DOP1B: variants seen among roughly 807,000 people sequenced by gnomAD.
The protein encoded by DOP1B is protein DOP1B.
Under a neutral mutation model 233.5 loss-of-function variants are expected in DOP1B, and 174 were observed. That is an observed-to-expected ratio of 0.75 (90% CI 0.66 to 0.85). DOP1B has a LOEUF of 0.85. Ranked by LOEUF, DOP1B falls within the 40% of genes least tolerant of loss-of-function variation. The pLI, the probability that DOP1B is intolerant of heterozygous loss-of-function variation, is 0.00. For synonymous variants in DOP1B, 1,190 were observed against 1,185.6 expected (o/e 1.00, Z -0.08); for missense variants, 2,652 against 2,846.6 (o/e 0.93, Z 1.56).
Position 36,245,545 on chromosome 21 carries a change from T to A in DOP1B, c.3565T>A (p.Ser1189Thr). The A allele has an allele frequency of 6.2e-7, 1 of 1,613,536 alleles. No individual in the cohort carries two copies. Among genetic ancestry groups the A allele is most frequent in the Non-Finnish European group, 8.5e-7 (1 of 1,180,000 alleles). The change falls in exon 19 of 37, where the codon TCT (serine) becomes ACT (threonine). Residue 1189 changes from serine to threonine, a missense_variant. This residue lies in a region of DOP1B where 2,617 missense variants were observed against 2,794.3 expected (regional missense o/e 0.94). Coordinates refer to ENST00000691173, the MANE Select transcript of DOP1B (RefSeq NM_001320714.2). The surrounding 1 kb of genome is among the most constrained non-coding windows in gnomAD (Gnocchi z 5.5). ...GGTGGACTCGGACAAGACGCAGGCT[T>A]CTGAGTCGTTCTCCAGCGACGAGGA... is the stretch of plus-strand genomic sequence containing the variant. ...VRVDSDKTQA[S>T]ESFSSDEEAD...
At position 36,278,695 on chromosome 21, in the gene DOP1B, C is replaced by A. The variant is rs187568674; in HGVS notation, c.5969+340C>A. 3.3e-5 allele frequency among the ~76,000 whole-genome samples: 5 copies of A among 152,142 alleles called. No homozygotes were observed. In the East Asian group the frequency reaches 9.7e-4, roughly 30 times the overall value. On this transcript the variant is annotated intron_variant, in intron 30 of 36. Transcript: ENST00000691173. The stretch of plus-strand genomic sequence containing the variant: ...CCAGCCTGGCCAACATGGCGAAACC[C>A]CGTCTCTACAAAAAAATTCAAAAAT...
At chr21:36,189,552 T>C (rs2066206683) in intron 2 of DOP1B, among the ~76,000 whole-genome samples, 1 of 150,998 alleles carries the variant, frequency 6.6e-6, no homozygotes, top group African/African-American at 2.4e-5. Context: ...GCCAATATGG[T>C]GAAACCCCGT....
intron 26 of DOP1B, among the ~76,000 whole-genome samples, chr21:36,265,247 T>C (rs894883358): frequency 6.6e-6 from 1 of 152,060 alleles, no homozygotes; most frequent in Non-Finnish European, 1.5e-5. Flanking sequence ...AATACAAAAA[T>C]TAGCCATGCC....
intron 18 of DOP1B, 68 bp downstream of exon 18, chr21:36,240,023 T>G: frequency 6.7e-7 from 1 of 1,482,014 alleles, no homozygotes; most frequent in Non-Finnish European, 9.0e-7. Flanking sequence ...TCAGCAGTGA[T>G]AGCTGAGAGA....
Position 36,245,796 on chromosome 21 carries a change from C to G in DOP1B, c.3816C>G (p.Thr1272=). Reference sequence around the variant, plus strand: ...GGACTAGCATGGATACCAGCTCCACCGCGCACCTCAACCTCATCTCCAACC... The same window carrying G: ...GGACTAGCATGGATACCAGCTCCACGGCGCACCTCAACCTCATCTCCAACC... The part of the protein sequence containing the change: ...VSRTSMDTSS[T]AHLNLISNLL... The change falls in exon 19 of 37, where the codon ACC becomes ACG. Residue 1272 remains threonine, a synonymous_variant. Coordinates refer to ENST00000691173, the MANE Select transcript of DOP1B (RefSeq NM_001320714.2). The surrounding 1 kb of genome is among the most constrained non-coding windows in gnomAD (Gnocchi z 5.5). 1 of 1,613,976 alleles carries G rather than the reference C, an allele frequency of 6.2e-7. No homozygotes were observed. The highest frequency in any genetic ancestry group is 8.5e-7 in the Non-Finnish European group (1 of 1,180,010).
chr21:36,167,282 C>G (rs557599397), intron 2 of DOP1B, among the ~76,000 whole-genome samples: 1 of 152,300 alleles, frequency 6.6e-6, no homozygotes, highest in South Asian at 2.1e-4. Flanking sequence ...AAGCGATTCT[C>G]CTGCCACAGC....
intron 2 of DOP1B, chr21:36,168,907 A>G (rs1359015289): frequency 6.3e-6 from 3 of 472,642 alleles, no homozygotes; most frequent in Admixed American, 6.7e-5. Context: ...TTTTTTTTTA[A>G]TTAATAATTT....
At chr21:36,288,214 C>T (rs990459972) in intron 33 of DOP1B, 64 bp downstream of exon 33, 2 of 1,478,374 alleles carry the variant, frequency 1.4e-6, no homozygotes, top group Non-Finnish European at 1.8e-6. Flanking sequence ...TTTTCAGTAA[C>T]ATAACGTACT....
chr21:36,183,965 G>A (rs1379787542), intron 2 of DOP1B, among the ~76,000 whole-genome samples: 4 of 151,810 alleles, frequency 2.6e-5, no homozygotes, highest in Non-Finnish European at 5.9e-5. Flanking sequence ...CCAGGTTCAA[G>A]CTATTCTCCT....
At chr21:36,269,866 T>G in intron 26 of DOP1B, 147 bp from the exon 27 acceptor site, 2 of 788,094 alleles carry the variant, frequency 2.5e-6, no homozygotes, top group Non-Finnish European at 4.1e-6. Flanking sequence ...TATTTTTACC[T>G]TCAATGTGGC....
chr21:36,157,739 A>G (rs1225304029), intron 1 of DOP1B, among the ~76,000 whole-genome samples: 2 of 152,208 alleles, frequency 1.3e-5, no homozygotes, highest in Non-Finnish European at 1.5e-5. Context: ...CCCATTGGTG[A>G]TGAGTGTTTC....
At position 36,288,151 on chromosome 21, in the gene DOP1B, G is replaced by T; in HGVS notation, c.6297+1G>T. 6.2e-7 allele frequency: 1 copy of T among 1,612,338 alleles called. No individual in the cohort carries two copies. The highest frequency in any genetic ancestry group is 8.5e-7 in the Non-Finnish European group (1 of 1,179,568). ...GTGGCCAATAATGGTCTCTGAATTG[G>T]TGAGTACAAGTATTGTAAGTTTGAA... On this transcript the variant is annotated splice_donor_variant, in intron 33 of 36. Transcript: ENST00000691173. LOFTEE classifies it high-confidence loss of function.
In DOP1B at chr21:36,278,232, G is replaced by A. The variant is rs779745458; in HGVS notation, c.5846G>A (p.Arg1949Gln). The A allele has an allele frequency of 5.2e-5, 84 of 1,614,004 alleles. No individual in the cohort carries two copies. The highest frequency in any genetic ancestry group is 1.6e-4 in the Middle Eastern group (1 of 6,062). ...AGTGCCTACAATGCTCCCAGCTTCCGGGCTGGCGCTCAGCTGCTGAGCTCC... is the reference window on the plus strand; with the variant it reads ...AGTGCCTACAATGCTCCCAGCTTCCAGGCTGGCGCTCAGCTGCTGAGCTCC... ...NHSAYNAPSF[R>Q]AGAQLLSSLS... The change falls in exon 30 of 37, where the codon CGG (arginine) becomes CAG (glutamine). Residue 1949 changes from arginine to glutamine, a missense_variant. Arg to Gln is a conservative substitution (Grantham distance 43, BLOSUM62 1). This residue lies in a region of DOP1B where 2,617 missense variants were observed against 2,794.3 expected (regional missense o/e 0.94). Coordinates refer to ENST00000691173, the MANE Select transcript of DOP1B (RefSeq NM_001320714.2).
intron 1 of DOP1B, 177 bp from the exon 2 acceptor site, chr21:36,164,531 A>C (rs1468997893): frequency 2.6e-6 from 1 of 387,772 alleles, no homozygotes; most frequent in African/African-American, 2.1e-5. Context: ...GGAACTATTT[A>C]TCTTTCATCT....
chr21:36,178,993 A>T (rs1209112197), intron 2 of DOP1B, among the ~76,000 whole-genome samples: 4 of 152,054 alleles, frequency 2.6e-5, no homozygotes, highest in African/African-American at 4.8e-5. Flanking sequence ...ACAACCACTG[A>T]TCTGTTTTCT....
At position 36,200,508 on chromosome 21, in the gene DOP1B, G is replaced by A. The variant is rs751780174; in HGVS notation, c.491+7G>A. ...GCTCCGAGATCTCCGACAGGTGCGT[G>A]GGCGTCTTGTCCAGGCTGTGTTTAC... On this transcript the variant is annotated splice_region_variant and intron_variant, in intron 4 of 36. Coordinates refer to ENST00000691173, the MANE Select transcript of DOP1B (RefSeq NM_001320714.2). The A allele has an allele frequency of 9.4e-6, 15 of 1,599,636 alleles. No individual in the cohort carries two copies. Among genetic ancestry groups the A allele is most frequent in the Non-Finnish European group, 1.2e-5 (14 of 1,174,742 alleles).
intron 14 of DOP1B, 137 bp from the exon 15 acceptor site, chr21:36,232,667 G>A (rs2066780792): frequency 5.2e-6 from 6 of 1,145,102 alleles, no homozygotes; most frequent in East Asian, 2.4e-5. Flanking sequence ...TCTCACCAGC[G>A]GGAGGTTAGC....
At position 36,260,666 on chromosome 21, in the gene DOP1B, T is replaced by A. The variant is rs764277360; in HGVS notation, c.5260-11T>A. ...CCAACTCGGAGTAATTGGTTTTACTTTCATTTTCAGAAATCGCCCCTAGTG... is the reference window on the plus strand; with the variant it reads ...CCAACTCGGAGTAATTGGTTTTACTATCATTTTCAGAAATCGCCCCTAGTG... On this transcript the variant is annotated splice_polypyrimidine_tract_variant and intron_variant, in intron 23 of 36. Coordinates refer to ENST00000691173, the MANE Select transcript of DOP1B (RefSeq NM_001320714.2). 5.0e-6 allele frequency: 8 copies of A among 1,613,782 alleles called. No individual in the cohort carries two copies. The East Asian group carries it at 1.6e-4, about 31-fold the overall frequency.
intron 1 of DOP1B, among the ~76,000 whole-genome samples, chr21:36,163,356 AAAAG>A (rs1005868560): frequency 2.6e-5 from 4 of 151,288 alleles, no homozygotes; most frequent in Non-Finnish European, 5.9e-5. Flanking sequence ...AAAAAAAAAA[AAAAG>A]AAAGAAAGAA....
Sources: gnomAD v4.1 joint callset for allele counts (sites outside exome capture counted in the v4.1 genomes callset) on GRCh38, gnomAD v4.1.1 for gene constraint, gnomAD v4.1.1 regional missense constraint, Gnocchi (gnomAD v3.1) non-coding constraint, MANE v1.5 for transcripts, NCBI Gene and HGNC (gene_info 2026-07-23, HGNC 2026-07-21) for gene names.